FGGY: variants seen among roughly 807,000 people sequenced by gnomAD.
The protein encoded by FGGY is FGGY carbohydrate kinase domain containing.
FGGY carries 72 observed loss-of-function variants against 71.3 expected under a neutral mutation model. The observed-to-expected ratio is 1.01, with a 90% CI of 0.84 to 1.23. The LOEUF is 1.23. Among genes scored for constraint, FGGY ranks in the 50% most tolerant of loss-of-function variants. The pLI, the probability that FGGY is intolerant of heterozygous loss-of-function variation, is 0.00. For synonymous variants in FGGY, 251 were observed against 250.3 expected (o/e 1.00, Z -0.02); for missense variants, 668 against 682.3 (o/e 0.98, Z 0.23).
intron 8 of FGGY, among the ~76,000 whole-genome samples, chr1:59,574,270 G>A (rs1370891954): frequency 1.3e-5 from 2 of 152,122 alleles, no homozygotes; most frequent in South Asian, 2.1e-4. Flanking sequence ...TTGGCTTGTG[G>A]CCACATCATT....
At chr1:59,646,736 GAA>G (rs2097098475) in intron 11 of FGGY, among the ~76,000 whole-genome samples, 2 of 152,148 alleles carry the variant, frequency 1.3e-5, no homozygotes, top group African/African-American at 2.4e-5. Flanking sequence ...CCATTTAAAA[GAA>G]GAGAGAAACC....
intron 8 of FGGY, among the ~76,000 whole-genome samples, chr1:59,557,276 G>C (rs1360363840): frequency 1.3e-5 from 2 of 152,154 alleles, no homozygotes; most frequent in African/African-American, 2.4e-5. Context: ...GTGGTTTTCA[G>C]CATGATCTGA....
chr1:59,524,381 C>T (rs563827004), intron 7 of FGGY, among the ~76,000 whole-genome samples: 9 of 151,828 alleles, frequency 5.9e-5, no homozygotes, highest in South Asian at 4.2e-4. Context: ...CAGAAAGGAG[C>T]GGGTCCCTGG....
chr1:59,554,408 A>G (rs924218456), intron 8 of FGGY, among the ~76,000 whole-genome samples, 181 bp downstream of exon 8: 5 of 152,096 alleles, frequency 3.3e-5, no homozygotes, highest in African/African-American at 1.2e-4. Flanking sequence ...CATTTGCTGG[A>G]TCTTTTTCCA....
At chr1:59,536,879 C>G (rs1482890072) in intron 7 of FGGY, among the ~76,000 whole-genome samples, 1 of 152,098 alleles carries the variant, frequency 6.6e-6, no homozygotes, top group African/African-American at 2.4e-5. Context: ...GACAAACCCA[C>G]AGCCAATATC....
chr1:59,660,360 C>T, intron 12 of FGGY, 67 bp downstream of exon 12: 2 of 1,188,704 alleles, frequency 1.7e-6, no homozygotes, highest in East Asian at 2.4e-5. Context: ...CCACTGGCTC[C>T]CCAAGATACA....
At position 59,754,827 on chromosome 1, in the gene FGGY, G is replaced by C. The variant is rs529952290; in HGVS notation, c.1513-3104G>C. ...CATACATGGGCCACTTGGGGTCTAT[G>C]GGAAACCTTTGTCTTTTGGATCTGG... On this transcript the variant is annotated intron_variant, in intron 14 of 15. Transcript: ENST00000303721. The C allele has an allele frequency of 2.0e-5, 3 of 152,394 alleles. No homozygotes were observed. In the East Asian group the frequency reaches 5.8e-4, roughly 29 times the overall value. The allele number at this position is 152,394 out of a possible 1,614,324, so 9.4% of individuals were successfully genotyped here.
chr1:59,587,511 C>T (rs1159285090), intron 8 of FGGY, among the ~76,000 whole-genome samples: 4 of 152,176 alleles, frequency 2.6e-5, no homozygotes, highest in African/African-American at 9.7e-5. Context: ...GTCCCTGACC[C>T]CTGACCCCCA....
intron 6 of FGGY, among the ~76,000 whole-genome samples, chr1:59,482,662 T>C (rs2093530334): frequency 6.7e-6 from 1 of 149,362 alleles, no homozygotes; most frequent in Admixed American, 6.7e-5. Context: ...AAACACCATA[T>C]TCTGTGTCTT....
At chr1:59,358,364 A>G (rs1348228778) in intron 4 of FGGY, among the ~76,000 whole-genome samples, 1 of 152,172 alleles carries the variant, frequency 6.6e-6, no homozygotes, top group Non-Finnish European at 1.5e-5. Context: ...TTGTCTGGTA[A>G]CTACTAGGTA....
intron 1 of FGGY, among the ~76,000 whole-genome samples, chr1:59,300,990 T>G (rs548549296): frequency 6.6e-6 from 1 of 152,342 alleles, no homozygotes; most frequent in Non-Finnish European, 1.5e-5. Flanking sequence ...AATCACTTTG[T>G]CCATTTCAAA....
At chr1:59,605,930 A>G (rs34165513) in intron 8 of FGGY, among the ~76,000 whole-genome samples, 15,511 of 152,092 alleles carry the variant, frequency 0.1, 900 homozygotes, top group South Asian at 0.29. Flanking sequence ...CTGGAATACA[A>G]CTTGTATGCC....
chr1:59,474,764 A>G (rs1419345126), intron 6 of FGGY, among the ~76,000 whole-genome samples: 6 of 152,222 alleles, frequency 3.9e-5, no homozygotes, highest in Non-Finnish European at 8.8e-5. Flanking sequence ...GAGAATAAAT[A>G]AGTAATAAGT....
chr1:59,371,183 A>G (rs2057558329), intron 4 of FGGY, among the ~76,000 whole-genome samples: 1 of 152,214 alleles, frequency 6.6e-6, no homozygotes, highest in African/African-American at 2.4e-5. Flanking sequence ...AGAGACACAC[A>G]TAGGCTCAAA....
chr1:59,486,926 T>A (rs1321008691), intron 6 of FGGY, among the ~76,000 whole-genome samples: 2 of 152,166 alleles, frequency 1.3e-5, no homozygotes, highest in Admixed American at 1.3e-4. Context: ...ATTTCTTTTT[T>A]CCCTGTTCGA....
chr1:59,537,533 C>G (rs1274068538), intron 7 of FGGY, among the ~76,000 whole-genome samples: 1 of 152,112 alleles, frequency 6.6e-6, no homozygotes, highest in Non-Finnish European at 1.5e-5. Flanking sequence ...GAGCCCGCAT[C>G]ACCAAGTCAA....
chr1:59,389,229 A>T (rs2060423578), intron 5 of FGGY, among the ~76,000 whole-genome samples: 1 of 152,164 alleles, frequency 6.6e-6, no homozygotes, highest in Non-Finnish European at 1.5e-5. Flanking sequence ...TACTATTTTT[A>T]TCCCTCCCTC....
At chr1:59,472,184 T>G (rs1001236550) in intron 6 of FGGY, among the ~76,000 whole-genome samples, 1 of 152,178 alleles carries the variant, frequency 6.6e-6, no homozygotes, top group Non-Finnish European at 1.5e-5. Flanking sequence ...CAGCGTGAGT[T>G]CCGGGTGGGT....
intron 10 of FGGY, among the ~76,000 whole-genome samples, chr1:59,629,605 G>A (rs1472095136): frequency 6.6e-6 from 1 of 152,180 alleles, no homozygotes; most frequent in Non-Finnish European, 1.5e-5. Flanking sequence ...TTTAAATTGT[G>A]TACTGTTCTG....
Sources: gnomAD v4.1 joint callset for allele counts (sites outside exome capture counted in the v4.1 genomes callset) on GRCh38, gnomAD v4.1.1 for gene constraint, MANE v1.5 for transcripts, NCBI Gene and HGNC (gene_info 2026-07-23, HGNC 2026-07-21) for gene names.